ANTXR2: variants seen among roughly 807,000 people sequenced by gnomAD.
The protein encoded by ANTXR2 is ANTXR cell adhesion molecule 2.
A neutral mutation model predicts 73.7 loss-of-function variants in ANTXR2; 44 were observed. The ratio of observed to expected loss-of-function variants is 0.60; its 90% confidence interval spans 0.47 to 0.77. The LOEUF is 0.77. ANTXR2 is among the 30% of genes least tolerant of loss of function. The probability of loss-of-function intolerance (pLI) is 0.00; values close to 1 mark genes in which losing one functional copy is unlikely to be tolerated. For synonymous variants in ANTXR2, 217 were observed against 205.9 expected (o/e 1.05, Z -0.46); for missense variants, 604 against 592.5 (o/e 1.02, Z -0.20).
Position 80,031,676 on chromosome 4 carries a change from A to T in ANTXR2, c.813T>A (p.Ser271Arg). The T allele has an allele frequency of 1.3e-6, 2 of 1,512,540 alleles. No homozygotes were observed. Among genetic ancestry groups the T allele is most frequent in the Non-Finnish European group, 8.8e-7 (1 of 1,136,534 alleles). 93.7% of individuals were successfully genotyped at this position (1,512,540 alleles called of 1,614,324 possible). A position where few individuals can be genotyped will look rare whatever the true frequency, so the allele number is the denominator to read the frequency against. Residue 271 changes from serine (S) to arginine (R), a missense_variant, in exon 10 of 17, where the codon AGT (serine) becomes AGA (arginine). Coordinates refer to ENST00000403729, the MANE Select transcript of ANTXR2 (RefSeq NM_058172.6). The part of the protein sequence containing the change: ...ETYTTSVKPV[S>R]VQLNSMLCPA... ...GACAAAGCATAGAATTAAGCTGTAC[A>T]CTTACTGGTTTTACACCTAGAAAAT...
chr4:80,027,940 T>C (rs1732515825), intron 10 of ANTXR2, among the ~76,000 whole-genome samples: 1 of 152,142 alleles, frequency 6.6e-6, no homozygotes, highest in African/African-American at 2.4e-5. Flanking sequence ...ATGCATCCTA[T>C]TCAAACTTAA....
chr4:79,930,634 C>T (rs1728021026), intron 16 of ANTXR2, among the ~76,000 whole-genome samples: 1 of 152,158 alleles, frequency 6.6e-6, no homozygotes, highest in Non-Finnish European at 1.5e-5. Context: ...TTGTCTGAGT[C>T]ATGTGTCTGT....
chr4:79,958,728 G>A (rs980332904), intron 16 of ANTXR2, among the ~76,000 whole-genome samples: 10 of 152,120 alleles, frequency 6.6e-5, no homozygotes, highest in Non-Finnish European at 1.2e-4. Context: ...CTAGTTAAGA[G>A]CATAAGACTA....
intron 10 of ANTXR2, among the ~76,000 whole-genome samples, chr4:80,020,376 A>G (rs2110070478): frequency 6.6e-6 from 1 of 152,010 alleles, no homozygotes; most frequent in East Asian, 1.9e-4. Context: ...ACACAGTGAG[A>G]CTCTGTCAAA....
chr4:79,989,967 C>CA (rs986771276), intron 12 of ANTXR2, among the ~76,000 whole-genome samples: 16 of 148,214 alleles, frequency 1.1e-4, no homozygotes, highest in African/African-American at 3.0e-4. Context: ...AACTAGGCAT[C>CA]AAAAAAAATA....
intron 16 of ANTXR2, among the ~76,000 whole-genome samples, chr4:79,951,529 T>C (rs1728707871): frequency 6.6e-6 from 1 of 151,602 alleles, no homozygotes; most frequent in African/African-American, 2.4e-5. Flanking sequence ...TGAGCCAAGA[T>C]AGCGCCACTG....
rs1284472294 is a variant in ANTXR2 at position 79,902,112 on chromosome 4, C to A, written c.*5317G>T. On this transcript the variant is annotated 3_prime_UTR_variant, in exon 17 of 17. Coordinates refer to ENST00000403729, the MANE Select transcript of ANTXR2 (RefSeq NM_058172.6). ...CCTACTTAAATGTACATTTTAATAA[C>A]TTTAACAATTTATTTTGGATCACCC... 6.6e-6 allele frequency: 1 copy of A among 152,104 alleles called. No individual in the cohort carries two copies. The highest frequency in any genetic ancestry group is 1.5e-5 in the Non-Finnish European group (1 of 68,022). 9.4% of individuals were successfully genotyped at this position (152,104 alleles called of 1,614,324 possible).
intron 12 of ANTXR2, among the ~76,000 whole-genome samples, chr4:79,991,279 A>C (rs1435701183): frequency 6.6e-6 from 1 of 152,092 alleles, no homozygotes; most frequent in Non-Finnish European, 1.5e-5. Context: ...CATTTAAAAA[A>C]ATGGGCAAAG....
At chr4:80,024,544 T>C (rs928095286) in intron 10 of ANTXR2, 2 of 287,818 alleles carry the variant, frequency 6.9e-6, no homozygotes, top group East Asian at 1.1e-4. Context: ...GTGGTTGGCT[T>C]GAGCCCAGGA....
At chr4:80,021,389 T>C (rs2110071716) in intron 10 of ANTXR2, among the ~76,000 whole-genome samples, 1 of 152,248 alleles carries the variant, frequency 6.6e-6, no homozygotes, top group South Asian at 2.1e-4. Flanking sequence ...TCTTAATTCC[T>C]CTACTTTAAA....
intron 11 of ANTXR2, among the ~76,000 whole-genome samples, chr4:80,017,047 C>G (rs1306819846): frequency 6.6e-6 from 1 of 152,224 alleles, no homozygotes; most frequent in East Asian, 1.9e-4. Flanking sequence ...GTGATCCTTT[C>G]AAAACAGTGA....
chr4:79,946,811 T>C (rs1728533314), intron 16 of ANTXR2, among the ~76,000 whole-genome samples: 1 of 152,164 alleles, frequency 6.6e-6, no homozygotes, highest in Non-Finnish European at 1.5e-5. Context: ...CATTTATTTG[T>C]TTAGAATGGT....
At chr4:80,067,561 T>C (rs2110122527) in intron 3 of ANTXR2, among the ~76,000 whole-genome samples, 1 of 152,338 alleles carries the variant, frequency 6.6e-6, no homozygotes, top group Middle Eastern at 3.4e-3. Context: ...TACAAGGCTG[T>C]TTCTTTGGAA....
intron 16 of ANTXR2, among the ~76,000 whole-genome samples, chr4:79,912,780 C>G (rs983378912): frequency 2.0e-5 from 3 of 151,866 alleles, no homozygotes; most frequent in African/African-American, 7.3e-5. Flanking sequence ...GTGCAACAAT[C>G]AGAGACTAGT....
At chr4:80,027,345 T>C (rs1232467660) in intron 10 of ANTXR2, among the ~76,000 whole-genome samples, 3 of 152,108 alleles carry the variant, frequency 2.0e-5, no homozygotes, top group Non-Finnish European at 4.4e-5. Flanking sequence ...AAAAATAGAT[T>C]AGGCTTAATA....
At chr4:79,933,895 C>T (rs1050513041) in intron 16 of ANTXR2, among the ~76,000 whole-genome samples, 5 of 151,730 alleles carry the variant, frequency 3.3e-5, no homozygotes, top group Admixed American at 6.6e-5. Context: ...ACACCACGCC[C>T]GGCTAATTTT....
chr4:79,919,779 G>A (rs1727495845), intron 16 of ANTXR2, among the ~76,000 whole-genome samples: 1 of 129,798 alleles, frequency 7.7e-6, no homozygotes, highest in African/African-American at 2.9e-5. Flanking sequence ...TTGTGATCGT[G>A]TGAGTCAATA....
At chr4:79,921,060 G>A (rs1343926737) in intron 16 of ANTXR2, among the ~76,000 whole-genome samples, 1 of 152,042 alleles carries the variant, frequency 6.6e-6, no homozygotes, top group African/African-American at 2.4e-5. Context: ...TGCTTAGAGT[G>A]GAAGAATGCT....
At chr4:80,035,644 C>G (rs979763953) in intron 8 of ANTXR2, among the ~76,000 whole-genome samples, 4 of 152,092 alleles carry the variant, frequency 2.6e-5, no homozygotes, top group Non-Finnish European at 4.4e-5. Context: ...TCTACATATA[C>G]CTGACTGTTT....
Sources: allele counts gnomAD v4.1 joint callset (sites outside exome capture counted in the v4.1 genomes callset), GRCh38; gene constraint gnomAD v4.1.1; transcripts MANE v1.5; gene names NCBI Gene and HGNC (gene_info 2026-07-23, HGNC 2026-07-21).